PCDHA13: variants seen among roughly 807,000 people sequenced by gnomAD.
PCDHA13 encodes the protein protocadherin alpha-13.
In PCDHA13, 54 loss-of-function variants were observed where a neutral mutation model predicts 64.8. The ratio of observed to expected loss-of-function variants is 0.83; its 90% CI spans 0.67 to 1.04. The LOEUF (loss-of-function observed/expected upper bound fraction) is 1.04, where lower values mean the gene tolerates loss of function less well. Among genes scored for constraint, PCDHA13 ranks in the 50% least tolerant of loss-of-function variants. PCDHA13 has a pLI of 0.00. For missense variants in PCDHA13, 1,248 were observed against 1,254.3 expected, an observed-to-expected ratio of 0.99 and a Z score of 0.08; for synonymous variants, 587 against 564.4, an observed-to-expected ratio of 1.04 and a Z score of -0.57.
chr5:140,971,568 G>C (rs2096486593), intron 1 of PCDHA13, among the ~76,000 whole-genome samples: 1 of 152,074 alleles, frequency 6.6e-6, no homozygotes, highest in African/African-American at 2.4e-5. Flanking sequence ...CCCATGTTGG[G>C]CTTTCTTTTT....
chr5:140,994,233 T>A (rs2097606681), intron 3 of PCDHA13, among the ~76,000 whole-genome samples: 1 of 152,138 alleles, frequency 6.6e-6, no homozygotes, highest in Admixed American at 6.5e-5. Context: ...TATGTTATAA[T>A]CAATTCAAAC....
chr5:140,889,032 AT>A (rs1357652460), intron 1 of PCDHA13, among the ~76,000 whole-genome samples: 12 of 152,198 alleles, frequency 7.9e-5, no homozygotes, highest in South Asian at 6.2e-4. Context: ...GATAACCGTA[AT>A]TTGATTATAA....
intron 1 of PCDHA13, among the ~76,000 whole-genome samples, chr5:140,963,972 A>G (rs1233467161): frequency 2.0e-5 from 3 of 152,216 alleles, no homozygotes; most frequent in Non-Finnish European, 4.4e-5. Flanking sequence ...GACTGACTCC[A>G]AAGTCTATAT....
At chr5:140,945,955 A>C (rs1174972799) in intron 1 of PCDHA13, among the ~76,000 whole-genome samples, 2 of 152,136 alleles carry the variant, frequency 1.3e-5, no homozygotes, top group African/African-American at 4.8e-5. Context: ...TGACCCTGAA[A>C]GCACAGGCAA....
chr5:140,978,406 T>C (rs1268497033), intron 1 of PCDHA13, among the ~76,000 whole-genome samples: 1 of 152,206 alleles, frequency 6.6e-6, no homozygotes, highest in African/African-American at 2.4e-5. Context: ...CCCTCTTCAA[T>C]CAGAAAAGAG....
chr5:140,927,299 T>C, intron 1 of PCDHA13: 4 of 1,614,086 alleles, frequency 2.5e-6, no homozygotes, highest in Middle Eastern at 1.6e-4. Context: ...ATCCCCGAGT[T>C]CCTGACGCCC....
At chr5:140,992,201 CAG>C (rs1587495213) in intron 3 of PCDHA13, among the ~76,000 whole-genome samples, 1 of 152,256 alleles carries the variant, frequency 6.6e-6, no homozygotes, top group East Asian at 1.9e-4. Context: ...TCTATCCAAT[CAG>C]ATAAACTACT....
chr5:140,980,522 A>G (rs1341350940), intron 2 of PCDHA13, among the ~76,000 whole-genome samples: 2 of 152,074 alleles, frequency 1.3e-5, no homozygotes, highest in Non-Finnish European at 2.9e-5. Flanking sequence ...TCCAGCTACT[A>G]GGGAGGCTGA....
intron 1 of PCDHA13, among the ~76,000 whole-genome samples, chr5:140,955,135 G>A (rs114298661): frequency 0.017 from 2,539 of 152,204 alleles, 31 homozygotes; most frequent in Middle Eastern, 0.034. Flanking sequence ...TGGTCTACAC[G>A]TCTGTTTTTG....
chr5:140,917,417 C>G (rs1163543772), intron 1 of PCDHA13, among the ~76,000 whole-genome samples: 2 of 152,082 alleles, frequency 1.3e-5, no homozygotes, highest in African/African-American at 2.4e-5. Flanking sequence ...TAATTAGGCC[C>G]CATTTGCCAA....
chr5:140,913,103 G>A (rs2076206771), intron 1 of PCDHA13, among the ~76,000 whole-genome samples: 1 of 152,144 alleles, frequency 6.6e-6, no homozygotes, highest in Admixed American at 6.5e-5. Context: ...TGGCCTCATA[G>A]AATCAGTTTG....
chr5:140,907,439 A>T (rs1217956706), intron 1 of PCDHA13, among the ~76,000 whole-genome samples: 1 of 152,250 alleles, frequency 6.6e-6, no homozygotes, highest in Non-Finnish European at 1.5e-5. Flanking sequence ...CTGTGAGTCC[A>T]CAGATGGTAA....
chr5:140,941,173 A>G (rs1235741316), intron 1 of PCDHA13, among the ~76,000 whole-genome samples: 5 of 135,522 alleles, frequency 3.7e-5, no homozygotes, highest in Non-Finnish European at 4.9e-5. Flanking sequence ...CCCCATCTTG[A>G]ACATCCTGCT....
intron 3 of PCDHA13, among the ~76,000 whole-genome samples, chr5:140,997,129 C>A (rs983112049): frequency 6.6e-6 from 1 of 151,976 alleles, no homozygotes; most frequent in Non-Finnish European, 1.5e-5. Flanking sequence ...ATACACAATG[C>A]CCCCACACCC....
chr5:140,935,554 GA>G (rs2090429733), intron 1 of PCDHA13, among the ~76,000 whole-genome samples: 1 of 152,134 alleles, frequency 6.6e-6, no homozygotes, highest in Non-Finnish European at 1.5e-5. Flanking sequence ...AAGTATCTTG[GA>G]AAAGTTCCTC....
rs548391443 is a variant in PCDHA13, at chr5:140,892,979, C to T, written c.2394+8317C>T. Among the ~76,000 whole-genome samples, 6 of 152,224 alleles carry T rather than the reference C, an allele frequency of 3.9e-5. No individual in the cohort carries two copies. The South Asian group carries it at 1.2e-3, about 32-fold the overall frequency. On this transcript the variant is annotated intron_variant, in intron 1 of 3. Transcript: ENST00000289272. ...GAGCTCAATAAAATTTTGTAGCTGC[C>T]GTATAAGTGAGAACATGTATTTATT...
At chr5:140,931,751 A>G (rs1393748704) in intron 1 of PCDHA13, among the ~76,000 whole-genome samples, 2 of 151,952 alleles carry the variant, frequency 1.3e-5, no homozygotes, top group African/African-American at 4.8e-5. Context: ...TCACAAAGGC[A>G]TTTGTTATTT....
intron 3 of PCDHA13, 34 bp from the exon 4 acceptor site, chr5:141,009,593 C>G: frequency 6.2e-7 from 1 of 1,602,020 alleles, no homozygotes; most frequent in South Asian, 1.1e-5. Flanking sequence ...CATGTGTTGA[C>G]CCTGTTAATG....
At chr5:140,894,527 G>T (rs1184887485) in intron 1 of PCDHA13, among the ~76,000 whole-genome samples, 1 of 151,472 alleles carries the variant, frequency 6.6e-6, no homozygotes, top group African/African-American at 2.4e-5. Flanking sequence ...ATGCTGTTAT[G>T]TGCCTTCTGG....
Sources: gnomAD v4.1 joint callset for allele counts (sites outside exome capture counted in the v4.1 genomes callset) on GRCh38, gnomAD v4.1.1 for gene constraint, MANE v1.5 for transcripts, NCBI Gene and HGNC (gene_info 2026-07-23, HGNC 2026-07-21) for gene names.